The following R3HCC1L variants were observed in gnomAD, a reference collection of about 807,000 sequenced individuals.
R3HCC1L encodes the protein R3H domain and coiled-coil containing 1 like, also known as coiled-coil domain-containing protein R3HCC1L.
A neutral mutation model predicts 59.9 loss-of-function variants in R3HCC1L; 51 were observed. That is an observed-to-expected ratio of 0.85 (90% CI 0.68 to 1.07). The LOEUF is 1.07. R3HCC1L is among the 50% of genes least tolerant of loss of function. The pLI is 0.00. For missense variants in R3HCC1L, 965 were observed against 933.0 expected (o/e 1.03, Z -0.45); for synonymous variants, 322 against 315.2 (o/e 1.02, Z -0.23).
chr10:98,225,483 A>G (rs1366212519), intron 5 of R3HCC1L, among the ~76,000 whole-genome samples: 1 of 152,192 alleles, frequency 6.6e-6, no homozygotes, highest in Non-Finnish European at 1.5e-5. Context: ...CACAAAAAAA[A>G]ATGTGTTACT....
chr10:98,176,730 A>AT (rs1849061349), intron 4 of R3HCC1L, among the ~76,000 whole-genome samples: 1 of 152,062 alleles, frequency 6.6e-6, no homozygotes, highest in African/African-American at 2.4e-5. Context: ...TAAAACCTCC[A>AT]TTTTAATGTC....
At chr10:98,226,829 T>G (rs1855725491) in intron 5 of R3HCC1L, among the ~76,000 whole-genome samples, 1 of 152,254 alleles carries the variant, frequency 6.6e-6, no homozygotes, top group South Asian at 2.1e-4. Flanking sequence ...TGATATCTTC[T>G]TGCCCACTTA....
intron 6 of R3HCC1L, among the ~76,000 whole-genome samples, chr10:98,232,151 G>A (rs920462989): frequency 1.3e-5 from 2 of 152,034 alleles, no homozygotes; most frequent in Non-Finnish European, 2.9e-5. Flanking sequence ...ACCATGCCTG[G>A]CTAATTTTTG....
chr10:98,184,058 C>CGT lies in R3HCC1L; in HGVS notation c.-15+20677_-15+20678dup, dbSNP rs148665186. Among the ~76,000 whole-genome samples the CGT allele has an allele frequency of 4.2e-3, 598 of 142,216 alleles. 2 individuals carry two copies. Among genetic ancestry groups the CGT allele is most frequent in the African/African-American group, 0.012 (452 of 39,048 alleles). 93.3% of individuals were successfully genotyped at this position (142,216 alleles called of 152,430 possible). A position where few individuals can be genotyped will look rare whatever the true frequency, so the allele number is the denominator to read the frequency against. On this transcript the variant is annotated intron_variant, in intron 4 of 9. Transcript: ENST00000298999. ...GGACATGCTTTGTCTTTTCCTGAGA[C>CGT]GTGTGTGTGTGTGTGTGGTGGGGAG...
At position 98,209,842 on chromosome 10, in the gene R3HCC1L, C is replaced by T. The variant is rs1476105714; in HGVS notation, c.1728C>T (p.Ser576=). 6.2e-7 allele frequency: 1 copy of T among 1,613,548 alleles called. No homozygotes were observed. Among genetic ancestry groups the T allele is most frequent in the African/African-American group, 1.3e-5 (1 of 74,874 alleles). ...HTEGITAIEE[S]WESMFNDDGD... The stretch of plus-strand genomic sequence containing the variant: ...AGGGAATTACTGCCATTGAGGAGAG[C>T]TGGGAGTCTATGTTTAACGATGATG... The change falls in exon 5 of 10, where the codon AGC becomes AGT. Residue 576 remains serine, a synonymous_variant. Coordinates refer to ENST00000298999, the MANE Select transcript of R3HCC1L (RefSeq NM_001351015.2).
chr10:98,236,234 A>G, intron 9 of R3HCC1L, 70 bp downstream of exon 9: 1 of 1,556,230 alleles, frequency 6.4e-7, no homozygotes, highest in Non-Finnish European at 8.7e-7. Flanking sequence ...TTTAAAAAAA[A>G]ATGAATGAAG....
intron 5 of R3HCC1L, among the ~76,000 whole-genome samples, chr10:98,218,332 A>G (rs527442330): frequency 3.0e-4 from 46 of 152,216 alleles, no homozygotes; most frequent in African/African-American, 1.1e-3. Flanking sequence ...TCAACAAAAT[A>G]CTAGTAAACC....
In R3HCC1L at chr10:98,209,172, C is replaced by G. The variant is rs1373304967; in HGVS notation, c.1058C>G (p.Ala353Gly). The part of the protein sequence containing the change: ...LHVKHEPPDT[A>G]VLAHETHRDS... The stretch of plus-strand genomic sequence containing the variant: ...GTAAAGCACGAACCTCCTGATACAG[C>G]TGTCCTTGCTCATGAAACACATAGA... Residue 353 changes from alanine (A) to glycine (G), a missense_variant, in exon 5 of 10, where the codon GCT becomes GGT. Transcript: ENST00000298999. 6.2e-7 allele frequency: 1 copy of G among 1,613,746 alleles called. No homozygotes were observed. Among genetic ancestry groups the G allele is most frequent in the Admixed American group, 1.7e-5 (1 of 60,020 alleles).
intron 4 of R3HCC1L, among the ~76,000 whole-genome samples, chr10:98,186,975 CATTT>C (rs1179109751): frequency 1.3e-5 from 2 of 151,950 alleles, no homozygotes; most frequent in Non-Finnish European, 2.9e-5. Flanking sequence ...CTTGAGTCTT[CATTT>C]ATTTGTCTGT....
chr10:98,230,233 C>G (rs1856208459), intron 5 of R3HCC1L, among the ~76,000 whole-genome samples: 1 of 152,156 alleles, frequency 6.6e-6, no homozygotes, highest in African/African-American at 2.4e-5. Flanking sequence ...GGTTGGTAAG[C>G]TATTAATTAT....
chr10:98,183,390 T>C (rs555441554), intron 4 of R3HCC1L, among the ~76,000 whole-genome samples: 20 of 152,136 alleles, frequency 1.3e-4, no homozygotes, highest in South Asian at 8.3e-4. Flanking sequence ...TCTTTGATTT[T>C]TTCCACCATC....
At chr10:98,190,023 T>C (rs988908120) in intron 4 of R3HCC1L, among the ~76,000 whole-genome samples, 3 of 152,244 alleles carry the variant, frequency 2.0e-5, no homozygotes, top group African/African-American at 7.2e-5. Flanking sequence ...GTCTCTGATA[T>C]AAAACGGCAG....
intron 2 of R3HCC1L, among the ~76,000 whole-genome samples, chr10:98,158,600 A>G (rs1847107695): frequency 6.6e-6 from 1 of 152,206 alleles, no homozygotes; most frequent in Admixed American, 6.5e-5. Flanking sequence ...AAACAAGGAC[A>G]TTCTTGTATA....
chr10:98,137,025 A>G (rs910129195), intron 1 of R3HCC1L, among the ~76,000 whole-genome samples: 1 of 152,060 alleles, frequency 6.6e-6, no homozygotes, highest in African/African-American at 2.4e-5. Context: ...CCTGGCCAAC[A>G]TGGTGAAACC....
intron 5 of R3HCC1L, among the ~76,000 whole-genome samples, chr10:98,228,180 C>G (rs1267615411): frequency 6.6e-6 from 1 of 152,188 alleles, no homozygotes; most frequent in South Asian, 2.1e-4. Flanking sequence ...AATGGTTGAA[C>G]CAGTTTATAG....
At chr10:98,182,878 T>C (rs915078600) in intron 4 of R3HCC1L, among the ~76,000 whole-genome samples, 1 of 152,218 alleles carries the variant, frequency 6.6e-6, no homozygotes, top group Non-Finnish European at 1.5e-5. Context: ...GTGTGCCGTT[T>C]GCTAAGACCA....
intron 6 of R3HCC1L, among the ~76,000 whole-genome samples, chr10:98,232,455 T>C (rs878864204): frequency 6.6e-6 from 1 of 152,166 alleles, no homozygotes; most frequent in Non-Finnish European, 1.5e-5. Context: ...CTGATACTTA[T>C]ATAGGAGAAG....
rs117775823 is a variant in R3HCC1L at position 98,147,766 on chromosome 10, A to G, written c.-267-8327A>G. ...ATTCTCTATTTTGTCCCATTGGTCT[A>G]TGTGTCTGTTTTAATGCCAGTACCA... On this transcript the variant is annotated intron_variant, in intron 1 of 9. Coordinates refer to ENST00000298999, the MANE Select transcript of R3HCC1L (RefSeq NM_001351015.2). Among the ~76,000 whole-genome samples, 1,179 of 152,218 alleles carry G rather than the reference A, an allele frequency of 7.7e-3. 28 individuals carry two copies. The East Asian group carries it at 0.11, about 14-fold the overall frequency.
At chr10:98,235,597 G>A in intron 8 of R3HCC1L, 77 bp downstream of exon 8, 1 of 984,242 alleles carries the variant, frequency 1.0e-6, no homozygotes, top group Non-Finnish European at 1.5e-6. Flanking sequence ...ATAGCATCCA[G>A]ACATCTAAAG....
Sources: allele counts gnomAD v4.1 joint callset (sites outside exome capture counted in the v4.1 genomes callset), GRCh38; gene constraint gnomAD v4.1.1; transcripts MANE v1.5; gene names NCBI Gene and HGNC (gene_info 2026-07-23, HGNC 2026-07-21).